Variants in BBS9 observed in about 807,000 individuals in gnomAD.
BBS9 encodes the protein protein PTHB1.
In BBS9, 89 loss-of-function variants were observed where a neutral mutation model predicts 117.7. The ratio of observed to expected loss-of-function variants is 0.76; its 90% confidence interval spans 0.64 to 0.90. The LOEUF (loss-of-function observed/expected upper bound fraction) is 0.90. Among genes scored for constraint, BBS9 ranks in the 40% least tolerant of loss-of-function variants. The pLI is 0.00. For missense variants in BBS9, 982 were observed against 1,042.2 expected (o/e 0.94, Z 0.80); for synonymous variants, 379 against 370.9 (o/e 1.02, Z -0.25).
chr7:33,612,091 C>T (rs184406076), intron 21 of BBS9, among the ~76,000 whole-genome samples: 13 of 151,362 alleles, frequency 8.6e-5, no homozygotes, highest in African/African-American at 3.2e-4. Flanking sequence ...TTTAAGTGAA[C>T]TGTTATTTAT....
At chr7:33,577,143 C>A (rs1258180434) in intron 21 of BBS9, among the ~76,000 whole-genome samples, 1 of 151,548 alleles carries the variant, frequency 6.6e-6, no homozygotes, top group Non-Finnish European at 1.5e-5. Flanking sequence ...AAAATTTTTG[C>A]AATTTACCCA....
intron 1 of BBS9, among the ~76,000 whole-genome samples, chr7:33,145,670 G>A (rs945894109): frequency 1.3e-5 from 2 of 152,140 alleles, no homozygotes; most frequent in Non-Finnish European, 2.9e-5. Context: ...TTGGCCCTCC[G>A]TGTCCCCGGG....
At chr7:33,159,263 T>C (rs576243834) in intron 4 of BBS9, among the ~76,000 whole-genome samples, 27 of 152,282 alleles carry the variant, frequency 1.8e-4, no homozygotes, top group Admixed American at 1.1e-3. Flanking sequence ...ACTATCACCA[T>C]TGTAAATGTG....
chr7:33,404,955 C>T (rs1191316519), intron 19 of BBS9, among the ~76,000 whole-genome samples: 2 of 152,046 alleles, frequency 1.3e-5, no homozygotes, highest in Non-Finnish European at 2.9e-5. Flanking sequence ...AGTTTTTGCC[C>T]ATTCAGTATG....
In BBS9 at chr7:33,155,677, A is replaced by C; in HGVS notation, c.303A>C (p.Arg101Ser). ...EMLHLAVLHS[R>S]KLCVYSVSGT... ...TACATTTGGCTGTGTTACATTCTAG[A>C]AAACTTTGTGTCTACTCTGTCTCAG... The change falls in exon 4 of 23, where the codon AGA becomes AGC. Residue 101 changes from arginine to serine, a missense_variant. Physicochemically the swap from Arg to Ser is moderately radical, Grantham distance 110. Transcript: ENST00000242067. 6.3e-7 allele frequency: 1 copy of C among 1,594,656 alleles called. No homozygotes were observed. The highest frequency in any genetic ancestry group is 8.6e-7 in the Non-Finnish European group (1 of 1,164,194).
chr7:33,249,052 T>C (rs1441253454), intron 5 of BBS9, among the ~76,000 whole-genome samples: 1 of 152,174 alleles, frequency 6.6e-6, no homozygotes, highest in Non-Finnish European at 1.5e-5. Context: ...GGTAGTTTTC[T>C]TTCATGTTTG....
chr7:33,218,853 G>A (rs530088817), intron 5 of BBS9, among the ~76,000 whole-genome samples: 1 of 152,262 alleles, frequency 6.6e-6, no homozygotes, highest in African/African-American at 2.4e-5. Context: ...CACCTCCTCT[G>A]CCTGGGCTCC....
intron 5 of BBS9, among the ~76,000 whole-genome samples, chr7:33,223,390 A>G (rs557011062): frequency 6.6e-6 from 1 of 152,206 alleles, no homozygotes; most frequent in Non-Finnish European, 1.5e-5. Flanking sequence ...TGTACAGTAT[A>G]TCTTCAGAAC....
intron 19 of BBS9, among the ~76,000 whole-genome samples, chr7:33,405,040 A>G (rs1299449064): frequency 6.6e-6 from 1 of 152,176 alleles, no homozygotes; most frequent in Non-Finnish European, 1.5e-5. Context: ...ACTTATTGAG[A>G]GTTTTTAGCA....
intron 21 of BBS9, among the ~76,000 whole-genome samples, chr7:33,595,237 A>G (rs541817994): frequency 2.9e-4 from 44 of 152,174 alleles, no homozygotes; most frequent in Non-Finnish European, 5.7e-4. Context: ...AAAAGAAGCT[A>G]TATCATCGGA....
chr7:33,307,772 C>CT (rs61014537), intron 9 of BBS9, among the ~76,000 whole-genome samples: 99,129 of 145,420 alleles, frequency 0.68, 33,728 homozygotes, highest in Admixed American at 0.77. Context: ...ATGCAGCCAT[C>CT]TTTTTTTTTT....
intron 19 of BBS9, among the ~76,000 whole-genome samples, chr7:33,485,953 G>A (rs948790006): frequency 1.3e-5 from 2 of 152,126 alleles, no homozygotes; most frequent in Admixed American, 6.5e-5. Flanking sequence ...TGAGTAGTTA[G>A]GTGTAATTCT....
intron 9 of BBS9, among the ~76,000 whole-genome samples, chr7:33,322,619 G>A (rs934182407): frequency 6.6e-6 from 1 of 151,174 alleles, no homozygotes; most frequent in Non-Finnish European, 1.5e-5. Context: ...ACTTATTTGG[G>A]CCTTCTGTCT....
chr7:33,617,930 G>T (rs1865222177), intron 21 of BBS9, among the ~76,000 whole-genome samples: 1 of 152,160 alleles, frequency 6.6e-6, no homozygotes, highest in Non-Finnish European at 1.5e-5. Context: ...CATTATGGAA[G>T]TTCTTCAAAA....
At chr7:33,411,399 A>G (rs2128822600) in intron 19 of BBS9, among the ~76,000 whole-genome samples, 1 of 152,278 alleles carries the variant, frequency 6.6e-6, no homozygotes, top group East Asian at 1.9e-4. Flanking sequence ...CCTATTGTTA[A>G]ACACACTCAA....
intron 21 of BBS9, among the ~76,000 whole-genome samples, chr7:33,621,439 A>G (rs541565836): frequency 6.6e-6 from 1 of 152,344 alleles, no homozygotes; most frequent in South Asian, 2.1e-4. Context: ...TATATGAATA[A>G]ATGCTCAACA....
At chr7:33,584,825 A>G (rs1364531896) in intron 21 of BBS9, among the ~76,000 whole-genome samples, 1 of 152,150 alleles carries the variant, frequency 6.6e-6, no homozygotes, top group Non-Finnish European at 1.5e-5. Context: ...TTTGGAAAAT[A>G]GATCTTCCTA....
intron 17 of BBS9, among the ~76,000 whole-genome samples, chr7:33,376,629 C>T (rs1823946177): frequency 6.6e-6 from 1 of 152,218 alleles, no homozygotes; most frequent in African/African-American, 2.4e-5. Context: ...CTGCTTTCCA[C>T]AAGGGTTGAA....
intron 19 of BBS9, among the ~76,000 whole-genome samples, chr7:33,444,131 C>T (rs966113088): frequency 3.3e-5 from 5 of 152,162 alleles, no homozygotes; most frequent in African/African-American, 1.2e-4. Flanking sequence ...TATGACCTTG[C>T]ACATCTGTAT....
Sources: gnomAD v4.1 joint callset for allele counts (sites outside exome capture counted in the v4.1 genomes callset) on GRCh38, gnomAD v4.1.1 for gene constraint, MANE v1.5 for transcripts, NCBI Gene and HGNC (gene_info 2026-07-23, HGNC 2026-07-21) for gene names.